Variants in PCDHA3 observed in about 807,000 individuals in gnomAD.
PCDHA3 encodes the protein protocadherin alpha-3.
Under a neutral mutation model 62.2 loss-of-function variants are expected in PCDHA3, and 41 were observed. The ratio of observed to expected loss-of-function variants is 0.66; its 90% confidence interval spans 0.51 to 0.86. The LOEUF is 0.86. Ranked by LOEUF, PCDHA3 falls within the 40% of genes least tolerant of loss-of-function variation. PCDHA3 has a pLI of 0.00. For missense variants in PCDHA3, 1,304 were observed against 1,241.2 expected, an observed-to-expected ratio of 1.05 and a Z score of -0.76; for synonymous variants, 640 against 555.4, an observed-to-expected ratio of 1.15 and a Z score of -2.14.
intron 1 of PCDHA3, chr5:140,856,389 A>G (rs1554148624): frequency 6.3e-7 from 1 of 1,598,440 alleles, no homozygotes; most frequent in African/African-American, 1.3e-5. Context: ...AGGCCGCTGC[A>G]GGTTTTCCAT....
At chr5:140,834,962 A>G (rs1773396463) in intron 1 of PCDHA3, 1 of 1,519,622 alleles carries the variant, frequency 6.6e-7, no homozygotes, top group East Asian at 2.4e-5. Context: ...AACCTCTTGG[A>G]CTTGTATTAC....
Position 140,858,344 on chromosome 5 carries a change from G to A in PCDHA3, c.2394+54753G>A, listed in dbSNP as rs371621182. 1.0e-5 allele frequency: 16 copies of A among 1,595,144 alleles called. No homozygotes were observed. In the East Asian group the frequency reaches 3.6e-4, roughly 36 times the overall value. On this transcript the variant is annotated intron_variant, in intron 1 of 3. Coordinates refer to ENST00000522353, the MANE Select transcript of PCDHA3 (RefSeq NM_018906.3). Reference sequence around the variant, plus strand: ...TTCTGGGGAGGGCCTGCCCAAGGCGGACCTCATGGCCTTCAGCCCCAGCCT... The same window carrying A: ...TTCTGGGGAGGGCCTGCCCAAGGCGAACCTCATGGCCTTCAGCCCCAGCCT...
rs576414745 is a variant in PCDHA3, at chr5:140,895,584, G to T, written c.2395-83365G>T. Among the ~76,000 whole-genome samples the T allele has an allele frequency of 9.2e-5, 14 of 152,210 alleles. No individual in the cohort carries two copies. In the South Asian group the frequency reaches 2.7e-3, roughly 29 times the overall value. The stretch of plus-strand genomic sequence containing the variant: ...TATTCTAGATGCAATTACTTTATTA[G>T]ATATATAATTTGCAAAGATTTTCTC... On this transcript the variant is annotated intron_variant, in intron 1 of 3. Coordinates refer to ENST00000522353, the MANE Select transcript of PCDHA3 (RefSeq NM_018906.3).
At chr5:140,965,030 C>A (rs2095870201) in intron 1 of PCDHA3, among the ~76,000 whole-genome samples, 1 of 152,166 alleles carries the variant, frequency 6.6e-6, no homozygotes, top group East Asian at 1.9e-4. Flanking sequence ...GCTCCTTTAA[C>A]TGTCCGCTCT....
intron 1 of PCDHA3, chr5:140,822,281 AC>A (rs1562263769): frequency 1.2e-6 from 2 of 1,614,142 alleles, no homozygotes; most frequent in Non-Finnish European, 1.7e-6. Flanking sequence ...CAATTGAGAT[AC>A]AGGTTAAATC....
chr5:140,822,234 A>C, intron 1 of PCDHA3: 1 of 1,614,268 alleles, frequency 6.2e-7, no homozygotes. Context: ...GGTTTCCGCT[A>C]GAGGGCGCGT....
intron 1 of PCDHA3, chr5:140,825,410 T>C (rs1554130230): frequency 6.8e-6 from 1 of 146,528 alleles, no homozygotes; most frequent in Non-Finnish European, 1.5e-5. Flanking sequence ...TTATATATTT[T>C]ATATAATATA....
chr5:140,872,791 G>A (rs549291235), intron 1 of PCDHA3, among the ~76,000 whole-genome samples: 1 of 152,194 alleles, frequency 6.6e-6, no homozygotes, highest in South Asian at 2.1e-4. Flanking sequence ...TATGCTAGTT[G>A]GCATTCTTCC....
At chr5:140,887,473 G>T (rs574265811) in intron 1 of PCDHA3, among the ~76,000 whole-genome samples, 10 of 152,222 alleles carry the variant, frequency 6.6e-5, no homozygotes, top group African/African-American at 2.4e-4. Flanking sequence ...TAATTCAGTT[G>T]TCTTCTGGCT....
chr5:140,852,637 A>G (rs2150521055), intron 1 of PCDHA3: 1 of 959,312 alleles, frequency 1.0e-6, no homozygotes, highest in Non-Finnish European at 1.3e-6. Flanking sequence ...AGCTCCTGTC[A>G]TTAAACCTAT....
intron 1 of PCDHA3, among the ~76,000 whole-genome samples, chr5:140,941,595 A>T (rs1273931279): frequency 6.6e-6 from 1 of 152,016 alleles, no homozygotes; most frequent in African/African-American, 2.4e-5. Context: ...GATTACAGCC[A>T]TGAGCCATGG....
At chr5:140,975,343 A>G (rs997568363) in intron 1 of PCDHA3, among the ~76,000 whole-genome samples, 1 of 152,224 alleles carries the variant, frequency 6.6e-6, no homozygotes, top group Middle Eastern at 3.2e-3. Context: ...TCCCTTTCTT[A>G]AAGCCAACTG....
intron 1 of PCDHA3, among the ~76,000 whole-genome samples, chr5:140,975,937 A>C (rs2096690423): frequency 1.3e-5 from 2 of 152,194 alleles, no homozygotes; most frequent in South Asian, 2.1e-4. Context: ...CTTTGAAGCA[A>C]TAGGACATAT....
intron 1 of PCDHA3, chr5:140,967,430 T>C (rs1554229552): frequency 1.2e-6 from 2 of 1,613,482 alleles, no homozygotes; most frequent in East Asian, 4.5e-5. Context: ...GCAGGCAGCC[T>C]TGCACCACCT....
intron 1 of PCDHA3, among the ~76,000 whole-genome samples, chr5:140,949,545 T>G (rs1173643616): frequency 6.6e-6 from 1 of 151,906 alleles, no homozygotes; most frequent in Non-Finnish European, 1.5e-5. Flanking sequence ...ATCGATTTGT[T>G]GCTGGTCATA....
chr5:140,909,856 C>T (rs575107041), intron 1 of PCDHA3, among the ~76,000 whole-genome samples: 2 of 152,286 alleles, frequency 1.3e-5, no homozygotes, highest in South Asian at 2.1e-4. Context: ...TTTTCGGTCC[C>T]CTGGAGTCAA....
At chr5:140,938,827 C>T (rs905501922) in intron 1 of PCDHA3, among the ~76,000 whole-genome samples, 4 of 151,880 alleles carry the variant, frequency 2.6e-5, no homozygotes, top group Non-Finnish European at 4.4e-5. Context: ...CATGAGTTTG[C>T]GTTATAACAA....
intron 1 of PCDHA3, chr5:140,823,507 G>C (rs1426749221): frequency 6.2e-7 from 1 of 1,613,236 alleles, no homozygotes; most frequent in Non-Finnish European, 8.5e-7. Flanking sequence ...CGCAGTGAGC[G>C]AGCTGGTGCC....
chr5:140,875,371 C>T (rs2055439966), intron 1 of PCDHA3: 2 of 1,451,152 alleles, frequency 1.4e-6, no homozygotes, highest in African/African-American at 1.4e-5. Flanking sequence ...AAAAAATTTA[C>T]TAAATATGTA....
Sources: gnomAD v4.1 joint callset for allele counts (sites outside exome capture counted in the v4.1 genomes callset) on GRCh38, gnomAD v4.1.1 for gene constraint, MANE v1.5 for transcripts, NCBI Gene and HGNC (gene_info 2026-07-23, HGNC 2026-07-21) for gene names.